Variants in INTS6 observed in about 807,000 individuals in gnomAD.
The protein encoded by INTS6 is DEAD box protein.
Under a neutral mutation model 104.9 loss-of-function variants are expected in INTS6, and 16 were observed. That is an observed-to-expected ratio of 0.15 (90% CI 0.10 to 0.23). The LOEUF is 0.23. INTS6 is among the 10% of genes least tolerant of loss of function. The pLI, the probability that INTS6 is intolerant of heterozygous loss-of-function variation, is 1.00. For missense variants in INTS6, 584 were observed against 1,062.8 expected (o/e 0.55, Z 6.26); for synonymous variants, 324 against 358.7 (o/e 0.90, Z 1.09).
chr13:51,423,359 A>G (rs1007855658), intron 4 of INTS6, among the ~76,000 whole-genome samples: 1 of 151,844 alleles, frequency 6.6e-6, no homozygotes, highest in Non-Finnish European at 1.5e-5. Flanking sequence ...TGTGTGTATA[A>G]TGCTAATTAC....
At chr13:51,450,831 T>G in intron 3 of INTS6, 194 bp downstream of exon 3, 1 of 1,203,960 alleles carries the variant, frequency 8.3e-7, no homozygotes, top group Non-Finnish European at 1.0e-6. Flanking sequence ...ACCAATGCAT[T>G]TTAGAGGGGG....
At chr13:51,431,101 C>T (rs568806189) in intron 3 of INTS6, among the ~76,000 whole-genome samples, 1 of 152,230 alleles carries the variant, frequency 6.6e-6, no homozygotes, top group African/African-American at 2.4e-5. Context: ...AATCTCTGGC[C>T]AACCCACTCT....
chr13:51,387,725 A>T (rs1956165909), intron 6 of INTS6, among the ~76,000 whole-genome samples, 185 bp from the exon 7 acceptor site: 1 of 152,212 alleles, frequency 6.6e-6, no homozygotes, highest in South Asian at 2.1e-4. Flanking sequence ...ATTGTAATTC[A>T]TTAGACAATA....
chr13:51,344,249 C>T, the INTS6 span: 2 of 1,612,254 alleles, frequency 1.2e-6, no homozygotes, highest in Non-Finnish European at 1.7e-6. Context: ...TTGTTTTTCA[C>T]AGACAAAAGG....
chr13:51,339,740 G>T, the INTS6 span: 1 of 152,258 alleles, frequency 6.6e-6, no homozygotes, highest in Admixed American at 6.5e-5. Flanking sequence ...TGATACAAAA[G>T]TCTGTGAGTA....
chr13:51,444,464 ATGGC>A (rs1952864059), intron 3 of INTS6: 1 of 151,268 alleles, frequency 6.6e-6, no homozygotes, highest in South Asian at 2.1e-4. Flanking sequence ...GAATGCAATA[ATGGC>A]CAGGGGCGGT....
intron 3 of INTS6, chr13:51,437,113 CAT>C (rs371720833): frequency 6.6e-6 from 1 of 152,130 alleles, no homozygotes; most frequent in African/African-American, 2.4e-5. Context: ...TAATAAAAAA[CAT>C]GTTAGAAATA....
At chr13:51,356,166 C>T (rs759227413) in intron 3 of INTS6, among the ~76,000 whole-genome samples, 1 of 152,084 alleles carries the variant, frequency 6.6e-6, no homozygotes, top group Non-Finnish European at 1.5e-5. Context: ...TACTCATTGC[C>T]TGAACACGCA....
In INTS6 at chr13:51,363,794, G is replaced by C. The variant is rs1955631557; in HGVS notation, c.*1958C>G. ...GATGAGGTGAGAACAGTGGCAGAGA[G>C]ATAAAGGACAAAAAGAAGAGATGAA... is the stretch of plus-strand genomic sequence containing the variant. On this transcript the variant is annotated 3_prime_UTR_variant, in exon 18 of 18. Coordinates refer to ENST00000311234, the MANE Select transcript of INTS6 (RefSeq NM_012141.3). 1 of 152,482 alleles carries C rather than the reference G, an allele frequency of 6.6e-6. No individual in the cohort carries two copies. Among genetic ancestry groups the C allele is most frequent in the African/African-American group, 2.4e-5 (1 of 41,378 alleles). 9.4% of individuals were successfully genotyped at this position (152,482 alleles called of 1,614,324 possible).
chr13:51,402,849 T>G (rs1956463573), intron 4 of INTS6: 1 of 152,226 alleles, frequency 6.6e-6, no homozygotes, highest in Non-Finnish European at 1.5e-5. Context: ...TATCACCAGG[T>G]ATGCTCAATT....
At chr13:51,396,727 G>A (rs1437615651) in intron 4 of INTS6, among the ~76,000 whole-genome samples, 1 of 152,158 alleles carries the variant, frequency 6.6e-6, no homozygotes, top group Non-Finnish European at 1.5e-5. Context: ...CAGCACAAGA[G>A]AGCAATCAGT....
intron 3 of INTS6, chr13:51,440,498 T>C (rs1189191030): frequency 6.6e-6 from 1 of 152,236 alleles, no homozygotes; most frequent in Non-Finnish European, 1.5e-5. Flanking sequence ...AGCAGTGTAC[T>C]GTCCCAGGCC....
chr13:51,368,871 T>C, intron 16 of INTS6, 68 bp downstream of exon 16: 3 of 1,479,406 alleles, frequency 2.0e-6, no homozygotes, highest in Non-Finnish European at 2.7e-6. Flanking sequence ...ACTTGACTTT[T>C]TTTTTCTTTT....
intron 4 of INTS6, among the ~76,000 whole-genome samples, chr13:51,404,093 CACACACACACAG>C (rs1285243454): frequency 7.0e-6 from 1 of 142,656 alleles, no homozygotes; most frequent in East Asian, 2.1e-4. Context: ...CACACACACA[CACACACACACAG>C]AGAGAGAGAG....
downstream of INTS6, among the ~76,000 whole-genome samples, chr13:51,359,467 A>G (rs1955528912): frequency 6.6e-6 from 1 of 152,108 alleles, no homozygotes; most frequent in Non-Finnish European, 1.5e-5. Flanking sequence ...TATAAATGTC[A>G]ATTATTGGAC....
At chr13:51,386,476 A>G (rs976347017) in intron 7 of INTS6, among the ~76,000 whole-genome samples, 1 of 152,196 alleles carries the variant, frequency 6.6e-6, no homozygotes, top group African/African-American at 2.4e-5. Flanking sequence ...AAAAGGTATA[A>G]TGAAGATACT....
chr13:51,368,801 T>A (rs1001063493), intron 16 of INTS6, 138 bp downstream of exon 16: 2 of 872,352 alleles, frequency 2.3e-6, no homozygotes, highest in African/African-American at 3.4e-5. Flanking sequence ...GAATAAAGGA[T>A]CTTAACTGAG....
intron 4 of INTS6, among the ~76,000 whole-genome samples, chr13:51,420,206 T>C (rs1248980807): frequency 6.7e-6 from 1 of 149,364 alleles, no homozygotes; most frequent in Non-Finnish European, 1.5e-5. Context: ...TCTATTTTAA[T>C]ATATGTTTTT....
chr13:51,451,352 C>T, intron 2 of INTS6, 178 bp from the exon 3 acceptor site: 1 of 412,350 alleles, frequency 2.4e-6, no homozygotes, highest in Non-Finnish European at 4.2e-6. Flanking sequence ...CAGGAATAAC[C>T]CAGCTTCCTC....
Sources: allele counts gnomAD v4.1 joint callset (sites outside exome capture counted in the v4.1 genomes callset), GRCh38; gene constraint gnomAD v4.1.1; transcripts MANE v1.5; gene names NCBI Gene and HGNC (gene_info 2026-07-23, HGNC 2026-07-21).